UBTD1: variants seen among roughly 807,000 people sequenced by gnomAD.
UBTD1 encodes the protein ubiquitin domain-containing protein 1.
A neutral mutation model predicts 21.7 loss-of-function variants in UBTD1; 19 were observed. The ratio of observed to expected loss-of-function variants is 0.87; its 90% CI spans 0.61 to 1.28. The LOEUF is 1.28. Ranked by LOEUF, UBTD1 falls within the 50% of genes most tolerant of loss-of-function variation. The pLI is 0.00. For synonymous variants in UBTD1, 116 were observed against 135.1 expected (o/e 0.86, Z 0.98); for missense variants, 282 against 315.1 (o/e 0.89, Z 0.80).
At chr10:97,553,507 C>T (rs1421153128) in intron 1 of UBTD1, among the ~76,000 whole-genome samples, 1 of 152,200 alleles carries the variant, frequency 6.6e-6, no homozygotes, top group Non-Finnish European at 1.5e-5. Context: ...ACTTCCTTTT[C>T]TGTGTTTGTC....
chr10:97,561,370 G>C (rs1171217269), intron 1 of UBTD1, among the ~76,000 whole-genome samples: 1 of 152,110 alleles, frequency 6.6e-6, no homozygotes, highest in African/African-American at 2.4e-5. Flanking sequence ...ACACCGAGTT[G>C]TAGAAGGAAG....
chr10:97,543,798 A>C (rs552561947), intron 1 of UBTD1, among the ~76,000 whole-genome samples: 1 of 152,198 alleles, frequency 6.6e-6, no homozygotes, highest in Non-Finnish European at 1.5e-5. Context: ...AAATTATGTA[A>C]TTATGAAAAT....
intron 1 of UBTD1, among the ~76,000 whole-genome samples, chr10:97,535,614 CAAAAAA>C: frequency 1.3e-5 from 2 of 151,654 alleles, no homozygotes; most frequent in Middle Eastern, 3.4e-3. Context: ...GACTCTGTCT[CAAAAAA>C]GAAAAAGAAA....
rs1317495764 is a variant in UBTD1 at position 97,571,030 on chromosome 10, TGGCAGAGATGA to T, written c.*511_*521del. 4 of 160,266 alleles carry T rather than the reference TGGCAGAGATGA, an allele frequency of 2.5e-5. No homozygotes were observed. Among genetic ancestry groups the T allele is most frequent in the Non-Finnish European group, 5.6e-5 (4 of 72,028 alleles). 9.9% of individuals were successfully genotyped at this position (160,266 alleles called of 1,614,324 possible). On this transcript the variant is annotated 3_prime_UTR_variant, in exon 3 of 3. Coordinates refer to ENST00000370664, the MANE Select transcript of UBTD1 (RefSeq NM_024954.5). ...TGCCTCTCCCTGCCCCCAGCACAAT[TGGCAGAGATGA>T]GGCGGGTGGTGGACAGCTGGGCTGT... is the stretch of plus-strand genomic sequence containing the variant.
chr10:97,519,335 C>T (rs972357873), intron 1 of UBTD1, among the ~76,000 whole-genome samples: 2 of 152,178 alleles, frequency 1.3e-5, no homozygotes, highest in Admixed American at 6.5e-5. Flanking sequence ...AAGAACTTCA[C>T]GACATTATCC....
intron 1 of UBTD1, among the ~76,000 whole-genome samples, chr10:97,509,382 T>C (rs1403284559): frequency 6.6e-6 from 1 of 152,186 alleles, no homozygotes; most frequent in Non-Finnish European, 1.5e-5. Context: ...AAGCGTGAAA[T>C]GTGATCATGT....
chr10:97,537,813 GCTTT>G (rs1418227240), intron 1 of UBTD1, among the ~76,000 whole-genome samples: 1 of 150,274 alleles, frequency 6.7e-6, no homozygotes, highest in Non-Finnish European at 1.5e-5. Flanking sequence ...CTTGTAACAG[GCTTT>G]CTCTTTTTTT....
At chr10:97,527,254 A>G (rs1332375141) in intron 1 of UBTD1, among the ~76,000 whole-genome samples, 1 of 150,776 alleles carries the variant, frequency 6.6e-6, no homozygotes, top group Admixed American at 6.6e-5. Context: ...TGGGAGGCCA[A>G]CGCAGGAGGA....
chr10:97,552,196 C>T (rs2040640963), intron 1 of UBTD1, among the ~76,000 whole-genome samples: 1 of 146,808 alleles, frequency 6.8e-6, no homozygotes, highest in Non-Finnish European at 1.5e-5. Context: ...GAGACCCCAT[C>T]TCTAAAAAAA....
At chr10:97,546,555 T>C (rs2040611444) in intron 1 of UBTD1, among the ~76,000 whole-genome samples, 1 of 135,984 alleles carries the variant, frequency 7.4e-6, no homozygotes, top group Admixed American at 8.1e-5. Context: ...CCCACTGCGC[T>C]CCAGCCTGGG....
chr10:97,557,099 A>G (rs1204241500), intron 1 of UBTD1, among the ~76,000 whole-genome samples: 2 of 152,226 alleles, frequency 1.3e-5, no homozygotes, highest in African/African-American at 4.8e-5. Flanking sequence ...CGGACTTCCC[A>G]TGGCCATTGA....
chr10:97,565,186 C>A (rs1321400304), intron 1 of UBTD1, among the ~76,000 whole-genome samples: 1 of 152,090 alleles, frequency 6.6e-6, no homozygotes, highest in African/African-American at 2.4e-5. Context: ...AAATATTTTA[C>A]GGGGTTTGGC....
chr10:97,539,709 C>G (rs1589877126), intron 1 of UBTD1, among the ~76,000 whole-genome samples: 3 of 152,112 alleles, frequency 2.0e-5, no homozygotes, highest in Admixed American at 2.0e-4. Flanking sequence ...GAGGGGACGG[C>G]CTGCATGGAG....
intron 1 of UBTD1, among the ~76,000 whole-genome samples, chr10:97,508,903 T>C (rs566002244): frequency 6.6e-6 from 1 of 152,316 alleles, no homozygotes; most frequent in East Asian, 1.9e-4. Flanking sequence ...TGTTTCCTCC[T>C]CCTTCTCCCA....
At chr10:97,526,031 G>C (rs924851837) in intron 1 of UBTD1, among the ~76,000 whole-genome samples, 2 of 152,154 alleles carry the variant, frequency 1.3e-5, no homozygotes, top group African/African-American at 4.8e-5. Flanking sequence ...TGGTCAGAGT[G>C]GGGAGAGAGT....
chr10:97,508,599 A>G (rs1430898462), intron 1 of UBTD1, among the ~76,000 whole-genome samples: 1 of 150,922 alleles, frequency 6.6e-6, no homozygotes, highest in Non-Finnish European at 1.5e-5. Flanking sequence ...CCCCACCCCC[A>G]TGGAAAGAAG....
intron 1 of UBTD1, among the ~76,000 whole-genome samples, chr10:97,516,841 C>A (rs539004507): frequency 6.6e-6 from 1 of 151,868 alleles, no homozygotes; most frequent in South Asian, 2.1e-4. Context: ...TGGAGAGCAA[C>A]GCCTTGACAG....
intron 1 of UBTD1, among the ~76,000 whole-genome samples, chr10:97,552,389 C>T (rs1589881130): frequency 9.5e-6 from 1 of 104,716 alleles, no homozygotes; most frequent in East Asian, 3.5e-4. Context: ...AATAATTATA[C>T]ACCCTTTTTT....
intron 1 of UBTD1, among the ~76,000 whole-genome samples, chr10:97,543,739 C>A (rs2040596434): frequency 6.6e-6 from 1 of 152,114 alleles, no homozygotes; most frequent in South Asian, 2.1e-4. Context: ...GGGGTGTGGA[C>A]TAAATGAACT....
Sources: allele counts gnomAD v4.1 joint callset (sites outside exome capture counted in the v4.1 genomes callset), GRCh38; gene constraint gnomAD v4.1.1; transcripts MANE v1.5; gene names NCBI Gene and HGNC (gene_info 2026-07-23, HGNC 2026-07-21).